MSI2: variants seen among roughly 807,000 people sequenced by gnomAD.
MSI2 encodes the protein RNA-binding protein Musashi homolog 2.
In MSI2, 17 loss-of-function variants were observed where a neutral mutation model predicts 45.6. The observed-to-expected ratio is 0.37, with a 90% CI of 0.26 to 0.56. The LOEUF is 0.56. Ranked by LOEUF, MSI2 falls within the 20% of genes least tolerant of loss-of-function variation. The pLI is 0.77. For missense variants in MSI2, 293 were observed against 444.2 expected, an observed-to-expected ratio of 0.66 and a Z score of 3.06; for synonymous variants, 156 against 158.2, an observed-to-expected ratio of 0.99 and a Z score of 0.11.
At chr17:57,699,999 C>G in the MSI2 span, among the ~76,000 whole-genome samples, 22 of 152,386 alleles carry the variant, frequency 1.4e-4, no homozygotes, top group African/African-American at 5.3e-4. Flanking sequence ...TGAAATCCTG[C>G]ATTAACCAAA....
chr17:57,282,309 G>A (rs1422703643), intron 5 of MSI2, among the ~76,000 whole-genome samples: 5 of 152,214 alleles, frequency 3.3e-5, no homozygotes, highest in Admixed American at 2.6e-4. Context: ...CAGGAATCCA[G>A]AAGTTTCTAT....
chr17:57,563,059 C>A (rs1305254379), intron 7 of MSI2, among the ~76,000 whole-genome samples: 1 of 136,328 alleles, frequency 7.3e-6, no homozygotes, highest in African/African-American at 2.9e-5. Context: ...GATCGCACCA[C>A]TGCACGCCAG....
At position 57,675,031 on chromosome 17, in the gene MSI2, G is replaced by A. The variant is rs766409125; in HGVS notation, c.850G>A (p.Asp284Asn). 1.9e-6 allele frequency: 3 copies of A among 1,613,854 alleles called. No homozygotes were observed. Among genetic ancestry groups the A allele is most frequent in the East Asian group, 2.2e-5 (1 of 44,886 alleles). ...PGANSPGPVA[D>N]LYGPASQDSG... ...GGCCAACAGCCCAGGACCTGTCGCC[G>A]ATCTCTACGGCCCTGCCAGCCAGGA... The change falls in exon 12 of 14, where the codon GAT becomes AAT. Residue 284 changes from aspartate to asparagine, a missense_variant. Coordinates refer to ENST00000284073, the MANE Select transcript of MSI2 (RefSeq NM_138962.4).
At chr17:57,284,989 T>G (rs889023066) in intron 5 of MSI2, among the ~76,000 whole-genome samples, 2 of 152,174 alleles carry the variant, frequency 1.3e-5, no homozygotes, top group African/African-American at 4.8e-5. Flanking sequence ...GGATTTTCTC[T>G]TTCTTCAACC....
chr17:57,666,327 C>T (rs563952025), intron 11 of MSI2, among the ~76,000 whole-genome samples: 1 of 152,350 alleles, frequency 6.6e-6, no homozygotes, highest in African/African-American at 2.4e-5. Flanking sequence ...ACAGGGGTTA[C>T]ACAGCTGCTC....
chr17:57,534,629 C>T (rs575153199), intron 7 of MSI2, among the ~76,000 whole-genome samples: 442 of 152,278 alleles, frequency 2.9e-3, no homozygotes, highest in Non-Finnish European at 4.6e-3. Flanking sequence ...GCAGGAGAAT[C>T]GCTTGAACCC....
chr17:57,544,079 G>A (rs1364676370), intron 7 of MSI2, among the ~76,000 whole-genome samples: 1 of 152,052 alleles, frequency 6.6e-6, no homozygotes, highest in Admixed American at 6.6e-5. Flanking sequence ...TGTGTTGTGT[G>A]TATGTGCGTG....
intron 5 of MSI2, among the ~76,000 whole-genome samples, chr17:57,375,721 T>C (rs2083484482): frequency 6.6e-6 from 1 of 152,140 alleles, no homozygotes; most frequent in South Asian, 2.1e-4. Flanking sequence ...GTGAACATAT[T>C]TGGGGGACTC....
chr17:57,284,081 C>A (rs1425887235), intron 5 of MSI2, among the ~76,000 whole-genome samples: 6 of 152,148 alleles, frequency 3.9e-5, no homozygotes, highest in African/African-American at 1.2e-4. Flanking sequence ...TCGACACAGC[C>A]CCAGATTTAT....
intron 6 of MSI2, among the ~76,000 whole-genome samples, chr17:57,425,708 C>T (rs2084478500): frequency 6.6e-6 from 1 of 152,228 alleles, no homozygotes; most frequent in Non-Finnish European, 1.5e-5. Context: ...CTGGCAGGAC[C>T]GCCCTTGTGC....
chr17:57,653,424 G>A (rs1681219586), intron 11 of MSI2, among the ~76,000 whole-genome samples: 1 of 152,236 alleles, frequency 6.6e-6, no homozygotes, highest in Non-Finnish European at 1.5e-5. Context: ...CTGAGCTTCT[G>A]CTCACCACAG....
chr17:57,598,511 TG>T (rs1905492744), intron 8 of MSI2, among the ~76,000 whole-genome samples: 1 of 152,228 alleles, frequency 6.6e-6, no homozygotes, highest in Non-Finnish European at 1.5e-5. Flanking sequence ...TTTTGCGTAC[TG>T]TATGTTGGAG....
rs1354863745 is a variant in MSI2 at position 57,627,075 on chromosome 17, C to A, written c.653-154C>A. 9 of 708,102 alleles carry A rather than the reference C, an allele frequency of 1.3e-5. No homozygotes were observed. Among genetic ancestry groups the A allele is most frequent in the Non-Finnish European group, 2.5e-6 (1 of 404,022 alleles). 43.9% of individuals were successfully genotyped at this position (708,102 alleles called of 1,614,324 possible). On this transcript the variant is annotated intron_variant, in intron 9 of 13. Transcript: ENST00000284073. The surrounding 1 kb of genome is among the most constrained non-coding windows in gnomAD (Gnocchi z 4.6). ...GCCCCCGGCCACAGGAGAGAGGTGA[C>A]CCAGACCCTTAATAAAAAAACCCTC... is the stretch of plus-strand genomic sequence containing the variant.
chr17:57,344,186 C>T (rs1342141500), intron 5 of MSI2, among the ~76,000 whole-genome samples: 2 of 152,252 alleles, frequency 1.3e-5, no homozygotes, highest in African/African-American at 4.8e-5. Flanking sequence ...TACATCCCCT[C>T]TTTATTTACC....
At chr17:57,422,650 A>G (rs1289241195) in intron 6 of MSI2, among the ~76,000 whole-genome samples, 1 of 152,224 alleles carries the variant, frequency 6.6e-6, no homozygotes, top group Non-Finnish European at 1.5e-5. Context: ...TTCTCCAGCC[A>G]TCATTGTCAC....
At chr17:57,489,966 C>T (rs1231319020) in intron 6 of MSI2, among the ~76,000 whole-genome samples, 1 of 152,114 alleles carries the variant, frequency 6.6e-6, no homozygotes, top group Non-Finnish European at 1.5e-5. Context: ...TTGGAAAGTC[C>T]AGATGTTGGG....
chr17:57,513,568 C>T (rs929981825), intron 6 of MSI2, among the ~76,000 whole-genome samples: 1 of 152,214 alleles, frequency 6.6e-6, no homozygotes. Flanking sequence ...TCGACAGTGT[C>T]ACCAAGCAGA....
chr17:57,395,183 C>T (rs1223159270), intron 5 of MSI2, among the ~76,000 whole-genome samples: 6 of 152,188 alleles, frequency 3.9e-5, no homozygotes, highest in Non-Finnish European at 8.8e-5. Context: ...GAAGGACACC[C>T]GTTACTGGAT....
At chr17:57,437,881 A>G (rs1439283318) in intron 6 of MSI2, among the ~76,000 whole-genome samples, 1 of 152,094 alleles carries the variant, frequency 6.6e-6, no homozygotes, top group Non-Finnish European at 1.5e-5. Flanking sequence ...GAAGAAGGCA[A>G]CAATGGTCTC....
Sources: allele counts gnomAD v4.1 joint callset (sites outside exome capture counted in the v4.1 genomes callset), GRCh38; gene constraint gnomAD v4.1.1; non-coding constraint Gnocchi (gnomAD v3.1); transcripts MANE v1.5; gene names NCBI Gene and HGNC (gene_info 2026-07-23, HGNC 2026-07-21).